The following SMARCD3 variants were observed in gnomAD, a reference collection of about 807,000 sequenced individuals.
The protein encoded by SMARCD3 is SWI/SNF-related matrix-associated actin-dependent regulator of chromatin subfamily D member 3.
In SMARCD3, 14 loss-of-function variants were observed where a neutral mutation model predicts 58.0. The observed-to-expected ratio is 0.24, with a 90% confidence interval of 0.16 to 0.38. SMARCD3 has a LOEUF of 0.38. Ranked by LOEUF, SMARCD3 falls within the 10% of genes least tolerant of loss-of-function variation. The pLI is 1.00. For synonymous variants in SMARCD3, 253 were observed against 253.8 expected (o/e 1.00, Z 0.03); for missense variants, 408 against 636.9 (o/e 0.64, Z 3.87).
Position 151,243,864 on chromosome 7 carries a change from T to A in SMARCD3, c.291-163A>T, listed in dbSNP as rs929548977. ...CTGTGACGGTGGTGTGTGGAACCGG[T>A]GCTCTGTCCTCTCTCAGGACACAGG... On this transcript the variant is annotated intron_variant, in intron 2 of 12. Coordinates refer to ENST00000262188, the MANE Select transcript of SMARCD3 (RefSeq NM_001003801.2). This position sits in a 1 kb window ranked among gnomAD's most constrained non-coding sequence, Gnocchi z 4.4. Among the ~76,000 whole-genome samples, 1 of 151,984 alleles carries A rather than the reference T, an allele frequency of 6.6e-6. No individual in the cohort carries two copies. The highest frequency in any genetic ancestry group is 1.5e-5 in the Non-Finnish European group (1 of 67,990).
At chr7:151,252,409 C>T (rs1001317271), upstream of SMARCD3, among the ~76,000 whole-genome samples, 2 of 146,656 alleles carry the variant, frequency 1.4e-5, no homozygotes, top group Non-Finnish European at 3.0e-5. Context: ...CTCACTGGGG[C>T]GGCCTGAGTG....
At chr7:151,253,205 C>T (rs145178716), upstream of SMARCD3, among the ~76,000 whole-genome samples, 1,165 of 152,268 alleles carry the variant, frequency 7.7e-3, 11 homozygotes, top group African/African-American at 0.026. Flanking sequence ...AGACCCGCAC[C>T]GAGTGAGTGG....
At chr7:151,258,445 A>G (rs1033923426) in intron 2 of SMARCD3, among the ~76,000 whole-genome samples, 4 of 151,690 alleles carry the variant, frequency 2.6e-5, no homozygotes, top group Admixed American at 6.6e-5. Flanking sequence ...TGCAACTGTA[A>G]TCCCAGCTAC....
At chr7:151,270,046 C>T (rs759426218) in intron 2 of SMARCD3, among the ~76,000 whole-genome samples, 4 of 152,132 alleles carry the variant, frequency 2.6e-5, no homozygotes, top group Admixed American at 6.5e-5. Flanking sequence ...ATGTTCCGAG[C>T]GGAGACAGAG....
At chr7:151,260,610 T>A (rs11971049) in intron 2 of SMARCD3, among the ~76,000 whole-genome samples, 1 of 152,010 alleles carries the variant, frequency 6.6e-6, no homozygotes, top group Admixed American at 6.6e-5. Context: ...AATCCCATGG[T>A]GACACGCCAC....
intron 2 of SMARCD3, among the ~76,000 whole-genome samples, chr7:151,270,299 A>T (rs1341102755): frequency 6.6e-6 from 1 of 152,188 alleles, no homozygotes; most frequent in Non-Finnish European, 1.5e-5. Flanking sequence ...CAGGCAAGAA[A>T]GGCCCACTCT....
Position 151,238,876 on chromosome 7 carries a change from A to G in SMARCD3, c.*227T>C. On this transcript the variant is annotated 3_prime_UTR_variant, in exon 13 of 13. Transcript: ENST00000262188. ...AAGGAGAAGAATCCAAGGGAAGGGA[A>G]TGGGGAGTCGTCCCGAGGGACCCAC... 7.4e-7 allele frequency: 1 copy of G among 1,356,266 alleles called. No individual in the cohort carries two copies. 84.0% of individuals were successfully genotyped at this position (1,356,266 alleles called of 1,614,324 possible). A position where few individuals can be genotyped will look rare whatever the true frequency, so the allele number is the denominator to read the frequency against.
chr7:151,255,318 C>A (rs1053240803), intron 2 of SMARCD3, among the ~76,000 whole-genome samples: 6 of 152,222 alleles, frequency 3.9e-5, no homozygotes, highest in African/African-American at 1.4e-4. Flanking sequence ...ATCCTCTTTG[C>A]CTTCCAGAAG....
At chr7:151,251,240 C>A (rs548909609), upstream of SMARCD3, among the ~76,000 whole-genome samples, 21 of 152,184 alleles carry the variant, frequency 1.4e-4, no homozygotes, top group Non-Finnish European at 1.5e-4. Flanking sequence ...TACATAAGCG[C>A]TCTCCTGAGC....
intron 2 of SMARCD3, chr7:151,275,063 A>T (rs370363361): frequency 1.3e-6 from 2 of 1,553,956 alleles, no homozygotes; most frequent in African/African-American, 2.7e-5. Context: ...CCGACTCGCC[A>T]TGGGGCCCCA....
chr7:151,274,345 G>A (rs1207302321), intron 2 of SMARCD3, among the ~76,000 whole-genome samples: 15 of 152,222 alleles, frequency 9.9e-5, no homozygotes, highest in Admixed American at 6.5e-4. Flanking sequence ...TGGGGCAGGT[G>A]GCTTTTCTGC....
At position 151,243,425 on chromosome 7, in the gene SMARCD3, T is replaced by G. The variant is rs887853538; in HGVS notation, c.333+234A>C. On this transcript the variant is annotated intron_variant, in intron 3 of 12. Transcript: ENST00000262188. This position sits in a 1 kb window ranked among gnomAD's most constrained non-coding sequence, Gnocchi z 4.4. ...CCCTCCTGGTCCCACAGCTCTATAG[T>G]ACCACTTGGATCAAACCCCCTGACA... Among the ~76,000 whole-genome samples the G allele has an allele frequency of 6.6e-6, 1 of 152,156 alleles. No homozygotes were observed. Among genetic ancestry groups the G allele is most frequent in the African/African-American group, 2.4e-5 (1 of 41,426 alleles).
chr7:151,248,413 C>A lies in SMARCD3; in HGVS notation c.78+72G>T. ...GGGAGAGCGGGAGCGCCCTCCCGGCCCCTCCCGATCAGCCCTCCATTCAGC... is the reference window on the plus strand; with the variant it reads ...GGGAGAGCGGGAGCGCCCTCCCGGCACCTCCCGATCAGCCCTCCATTCAGC... On this transcript the variant is annotated intron_variant, in intron 1 of 12. Coordinates refer to ENST00000262188, the MANE Select transcript of SMARCD3 (RefSeq NM_001003801.2). The surrounding 1 kb of genome is among the most constrained non-coding windows in gnomAD (Gnocchi z 6.1). 7.5e-7 allele frequency: 1 copy of A among 1,333,394 alleles called. No homozygotes were observed. Among genetic ancestry groups the A allele is most frequent in the South Asian group, 1.2e-5 (1 of 82,464 alleles). The allele number at this position is 1,333,394 out of a possible 1,614,324, so 82.6% of individuals were successfully genotyped here.
intron 2 of SMARCD3, chr7:151,275,057 C>T: frequency 1.3e-6 from 2 of 1,488,692 alleles, no homozygotes; most frequent in Non-Finnish European, 1.9e-6. Flanking sequence ...GGCTGGCCGA[C>T]TCGCCATGGG....
intron 2 of SMARCD3, among the ~76,000 whole-genome samples, chr7:151,256,780 A>G (rs901346302): frequency 2.0e-5 from 3 of 152,046 alleles, no homozygotes; most frequent in Non-Finnish European, 4.4e-5. Flanking sequence ...ACTGAGAAAA[A>G]AGAAGCTTCC....
chr7:151,252,014 G>C (rs868000426), upstream of SMARCD3, among the ~76,000 whole-genome samples: 1 of 151,680 alleles, frequency 6.6e-6, no homozygotes, highest in African/African-American at 2.4e-5. Context: ...GGTCAGCCCG[G>C]GGCCCAGCTG....
chr7:151,240,155 A>G lies in SMARCD3; in HGVS notation c.1130T>C (p.Leu377Pro). ...GATCTCCTGCTGGTTGGCCGTGGAT[A>G]GGAGGAAGCTGCTCATCTGCCCCTT... ...PLKGQMSSFL[L>P]STANQQEISA... The change falls in exon 10 of 13, where the codon CTA becomes CCA. Residue 377 changes from leucine (L) to proline (P), a missense_variant. Around this residue, in one of 4 missense-constraint regions of SMARCD3, gnomAD observed 115 missense variants for 257.2 expected, o/e 0.45. Transcript: ENST00000262188. The G allele has an allele frequency of 6.2e-7, 1 of 1,614,130 alleles. No homozygotes were observed. The highest frequency in any genetic ancestry group is 8.5e-7 in the Non-Finnish European group (1 of 1,180,040).
At position 151,259,393 on chromosome 7, in the gene SMARCD3, C is replaced by CTGTGTGTGTGTG. The variant is rs758652327; in HGVS notation, c.40-13734_40-13723dup. On this transcript the variant is annotated intron_variant, in intron 2 of 13. Transcript: ENST00000356800. ...AATGTAAGCTCCAAAAAGGTAGGGG[C>CTGTGTGTGTGTG]TGTGTGTGTGTGTGTGTATGTGTGT... is the stretch of plus-strand genomic sequence containing the variant. Among the ~76,000 whole-genome samples the CTGTGTGTGTGTG allele has an allele frequency of 5.7e-3, 781 of 136,024 alleles. 5 individuals are homozygous for CTGTGTGTGTGTG. Among genetic ancestry groups the CTGTGTGTGTGTG allele is most frequent in the African/African-American group, 8.1e-3 (270 of 33,476 alleles). 89.2% of individuals were successfully genotyped at this position (136,024 alleles called of 152,430 possible).
At chr7:151,259,964 C>T (rs796219026) in intron 2 of SMARCD3, among the ~76,000 whole-genome samples, 40 of 152,214 alleles carry the variant, frequency 2.6e-4, no homozygotes, top group African/African-American at 8.7e-4. Flanking sequence ...TAGGACTTTA[C>T]CATTGACCAA....
Sources: gnomAD v4.1 joint callset for allele counts (sites outside exome capture counted in the v4.1 genomes callset) on GRCh38, gnomAD v4.1.1 for gene constraint, gnomAD v4.1.1 regional missense constraint, Gnocchi (gnomAD v3.1) non-coding constraint, MANE v1.5 for transcripts, NCBI Gene and HGNC (gene_info 2026-07-23, HGNC 2026-07-21) for gene names.